The following SFMBT2 variants were observed in gnomAD, a reference collection of about 807,000 sequenced individuals.
The protein encoded by SFMBT2 is scm-like with four MBT domains protein 2.
Under a neutral mutation model 110.1 loss-of-function variants are expected in SFMBT2, and 38 were observed. That is an observed-to-expected ratio of 0.35 (90% confidence interval 0.27 to 0.45). The LOEUF is 0.45. SFMBT2 is among the 20% of genes least tolerant of loss of function. The pLI is 1.00. For synonymous variants in SFMBT2, 425 were observed against 425.4 expected, an observed-to-expected ratio of 1.00 and a Z score of 0.01; for missense variants, 1,011 against 1,094.9, an observed-to-expected ratio of 0.92 and a Z score of 1.08.
At chr10:7,258,097 A>AATTTTTTGT (rs1318713540) in intron 7 of SFMBT2, among the ~76,000 whole-genome samples, 4 of 152,046 alleles carry the variant, frequency 2.6e-5, no homozygotes, top group Non-Finnish European at 5.9e-5. Context: ...ATACCTGGCT[A>AATTTTTTGT]ATTTTTTGTA....
intron 4 of SFMBT2, among the ~76,000 whole-genome samples, chr10:7,328,592 G>A (rs1473912117): frequency 1.3e-5 from 2 of 152,162 alleles, no homozygotes; most frequent in South Asian, 4.1e-4. Flanking sequence ...TTTACATCTA[G>A]ATCTATAATC....
chr10:7,245,961 T>G (rs1395044388), intron 8 of SFMBT2, among the ~76,000 whole-genome samples: 1 of 152,216 alleles, frequency 6.6e-6, no homozygotes, highest in Non-Finnish European at 1.5e-5. Context: ...TATTCCAAAG[T>G]ACTTTCCTCA....
intron 7 of SFMBT2, among the ~76,000 whole-genome samples, chr10:7,269,707 A>AGT (rs1248468823): frequency 6.8e-6 from 1 of 146,330 alleles, no homozygotes; most frequent in Non-Finnish European, 1.5e-5. Context: ...AAAGCAAGTA[A>AGT]GTGTGTGCGT....
At chr10:7,402,168 GA>G (rs1846099085) in intron 1 of SFMBT2, among the ~76,000 whole-genome samples, 1 of 150,596 alleles carries the variant, frequency 6.6e-6, no homozygotes, top group Admixed American at 6.6e-5. Context: ...CTGGAGATAG[GA>G]AAAAATAAAA....
chr10:7,227,708 G>C (rs1839935698), intron 10 of SFMBT2, 147 bp downstream of exon 10: 1 of 665,328 alleles, frequency 1.5e-6, no homozygotes. Flanking sequence ...CCTGAAAGCA[G>C]AGCTTTCCAA....
chr10:7,218,296 T>A (rs1185604437), intron 11 of SFMBT2, among the ~76,000 whole-genome samples: 1 of 152,088 alleles, frequency 6.6e-6, no homozygotes, highest in Non-Finnish European at 1.5e-5. Flanking sequence ...AAAACTGAAA[T>A]AATGAGAGCT....
intron 16 of SFMBT2, among the ~76,000 whole-genome samples, chr10:7,179,482 T>C (rs1233446005): frequency 4.9e-5 from 7 of 141,616 alleles, no homozygotes; most frequent in Non-Finnish European, 1.1e-4. Context: ...AGAGTAAAAA[T>C]GGGAAATGTA....
intron 9 of SFMBT2, among the ~76,000 whole-genome samples, chr10:7,228,138 A>G (rs557616210): frequency 8.5e-5 from 13 of 152,354 alleles, no homozygotes; most frequent in Middle Eastern, 3.4e-3. Context: ...CGTTACTATA[A>G]CACACTATCT....
intron 4 of SFMBT2, among the ~76,000 whole-genome samples, chr10:7,324,454 G>A (rs1843310542): frequency 6.6e-6 from 1 of 152,144 alleles, no homozygotes; most frequent in Admixed American, 6.5e-5. Flanking sequence ...AGGCAGGGGA[G>A]CTCCAAAAAC....
intron 20 of SFMBT2, among the ~76,000 whole-genome samples, chr10:7,164,595 G>C (rs1031326133): frequency 6.6e-6 from 1 of 152,094 alleles, no homozygotes; most frequent in African/African-American, 2.4e-5. Context: ...AAGTGATGCT[G>C]AGACTTCATC....
intron 4 of SFMBT2, among the ~76,000 whole-genome samples, chr10:7,287,077 C>CT (rs761728311): frequency 0.092 from 9,185 of 99,664 alleles, 872 homozygotes; most frequent in African/African-American, 0.14. Context: ...TTTGAGGCAT[C>CT]TTTTTTTTTT....
chr10:7,385,019 G>A (rs896963307), intron 1 of SFMBT2, among the ~76,000 whole-genome samples: 16 of 152,122 alleles, frequency 1.1e-4, no homozygotes, highest in African/African-American at 2.4e-4. Flanking sequence ...GGTCTTCTGC[G>A]CTACACCTGG....
chr10:7,174,652 G>T (rs1023532675), intron 17 of SFMBT2, among the ~76,000 whole-genome samples: 1 of 152,246 alleles, frequency 6.6e-6, no homozygotes, highest in Non-Finnish European at 1.5e-5. Flanking sequence ...CATTCCCAGT[G>T]TCCTGGAAGA....
In SFMBT2 at chr10:7,220,428, A is replaced by T; in HGVS notation, c.1313T>A (p.Met438Lys). The T allele has an allele frequency of 6.2e-7, 1 of 1,614,012 alleles. No individual in the cohort carries two copies. The highest frequency in any genetic ancestry group is 8.5e-7 in the Non-Finnish European group (1 of 1,179,902). Residue 438 changes from methionine to lysine, a missense_variant, in exon 11 of 21, where the codon ATG becomes AAG. Around this residue, in one of 2 missense-constraint regions of SFMBT2, gnomAD observed 979 missense variants for 1,016.1 expected, o/e 0.96. Coordinates refer to ENST00000397167, the MANE Select transcript of SFMBT2 (RefSeq NM_001387889.1). Reference sequence around the variant, plus strand: ...GTACGTACCTTCCAGGTGAAGCCACATTAGCCGCCCCTTCACACTCACAAC... The same window carrying T: ...GTACGTACCTTCCAGGTGAAGCCACTTTAGCCGCCCCTTCACACTCACAAC... ...ASVVSVKGRLMWLHLEGLQTP... is the reference protein window; with the variant it reads ...ASVVSVKGRLKWLHLEGLQTP...
intron 11 of SFMBT2, among the ~76,000 whole-genome samples, chr10:7,215,407 AAAC>A (rs1392017346): frequency 6.6e-6 from 1 of 152,206 alleles, no homozygotes; most frequent in East Asian, 1.9e-4. Context: ...TCTCAAAACA[AAAC>A]AAAAATATAC....
intron 7 of SFMBT2, among the ~76,000 whole-genome samples, chr10:7,272,069 G>A (rs965401212): frequency 6.6e-6 from 1 of 152,152 alleles, no homozygotes; most frequent in African/African-American, 2.4e-5. Flanking sequence ...GAGGGGCACG[G>A]AAGGAGACAC....
intron 7 of SFMBT2, among the ~76,000 whole-genome samples, chr10:7,270,083 ATTGAG>A (rs1841533269): frequency 6.6e-6 from 1 of 152,166 alleles, no homozygotes; most frequent in Non-Finnish European, 1.5e-5. Context: ...TGTAACTGCA[ATTGAG>A]TTAAGACAAA....
intron 4 of SFMBT2, among the ~76,000 whole-genome samples, chr10:7,306,390 G>C (rs564289757): frequency 6.6e-6 from 1 of 152,170 alleles, no homozygotes; most frequent in Non-Finnish European, 1.5e-5. Flanking sequence ...TTTTGTGTCC[G>C]TAAATAAAGT....
At position 7,311,703 on chromosome 10, in the gene SFMBT2, T is replaced by G. The variant is rs970175318; in HGVS notation, c.437-25749A>C. Among the ~76,000 whole-genome samples, 12 of 152,374 alleles carry G rather than the reference T, an allele frequency of 7.9e-5. No individual in the cohort carries two copies. The South Asian group carries it at 1.7e-3, about 21-fold the overall frequency. Reference sequence around the variant, plus strand: ...AGATTTCCTTTATCTAGGCTGAAGATATATAAATTACAATCAGATTATGTA... The same window carrying G: ...AGATTTCCTTTATCTAGGCTGAAGAGATATAAATTACAATCAGATTATGTA... On this transcript the variant is annotated intron_variant, in intron 4 of 20. Transcript: ENST00000397167.
Sources: allele counts gnomAD v4.1 joint callset (sites outside exome capture counted in the v4.1 genomes callset), GRCh38; gene constraint gnomAD v4.1.1; regional missense constraint gnomAD v4.1.1; transcripts MANE v1.5; gene names NCBI Gene and HGNC (gene_info 2026-07-23, HGNC 2026-07-21).